FRMD5: variants seen among roughly 807,000 people sequenced by gnomAD.
FRMD5 encodes FERM domain containing 5.
A neutral mutation model predicts 69.0 loss-of-function variants in FRMD5; 20 were observed. The observed-to-expected ratio is 0.29, with a 90% CI of 0.20 to 0.42. FRMD5 has a LOEUF of 0.42. Ranked by LOEUF, FRMD5 falls within the 10% of genes least tolerant of loss-of-function variation. The pLI is 1.00. For missense variants in FRMD5, 595 were observed against 708.6 expected (o/e 0.84, Z 1.82); for synonymous variants, 271 against 260.1 (o/e 1.04, Z -0.40).
intron 1 of FRMD5, among the ~76,000 whole-genome samples, chr15:44,028,078 T>C (rs897444870): frequency 2.0e-5 from 3 of 152,196 alleles, no homozygotes; most frequent in Admixed American, 6.5e-5. Context: ...ATAGGAGGTG[T>C]TGCATATCAC....
At chr15:44,131,412 A>G (rs1436991481) in intron 1 of FRMD5, among the ~76,000 whole-genome samples, 3 of 152,040 alleles carry the variant, frequency 2.0e-5, no homozygotes, top group South Asian at 4.1e-4. Flanking sequence ...AAATCAAAAT[A>G]TAATTACTAT....
At chr15:44,048,601 C>T (rs1430029657) in intron 1 of FRMD5, among the ~76,000 whole-genome samples, 2 of 152,044 alleles carry the variant, frequency 1.3e-5, no homozygotes, top group African/African-American at 4.8e-5. Flanking sequence ...GAGATAGAGT[C>T]TCACTCTGTT....
chr15:44,046,607 T>A (rs1453526063), intron 1 of FRMD5, among the ~76,000 whole-genome samples: 1 of 152,264 alleles, frequency 6.6e-6, no homozygotes, highest in African/African-American at 2.4e-5. Context: ...TCCTGGTGTT[T>A]GCTAGCTGAC....
At chr15:44,010,066 GC>G (rs1349154316) in intron 1 of FRMD5, among the ~76,000 whole-genome samples, 1 of 152,146 alleles carries the variant, frequency 6.6e-6, no homozygotes, top group African/African-American at 2.4e-5. Flanking sequence ...CATTATGCTG[GC>G]CATAAAGAAT....
intron 1 of FRMD5, among the ~76,000 whole-genome samples, chr15:44,080,969 A>G (rs544515429): frequency 1.3e-5 from 2 of 152,202 alleles, no homozygotes; most frequent in Admixed American, 1.3e-4. Context: ...TATGAGCATC[A>G]TTCAATAAAT....
chr15:44,049,318 T>G (rs1028103158), intron 1 of FRMD5, among the ~76,000 whole-genome samples: 58 of 152,160 alleles, frequency 3.8e-4, no homozygotes, highest in Admixed American at 3.8e-3. Flanking sequence ...TTCCACAAGC[T>G]TCAAAGTAGC....
intron 1 of FRMD5, among the ~76,000 whole-genome samples, chr15:43,968,026 A>G (rs551043663): frequency 3.8e-4 from 56 of 146,230 alleles, no homozygotes; most frequent in African/African-American, 1.4e-3. Flanking sequence ...TTTCCTATTT[A>G]CCACACTGAT....
At chr15:44,053,524 A>G (rs1228778163) in intron 1 of FRMD5, among the ~76,000 whole-genome samples, 1 of 152,128 alleles carries the variant, frequency 6.6e-6, no homozygotes, top group Non-Finnish European at 1.5e-5. Flanking sequence ...GGCAGTGGAG[A>G]TGGAGAAAAG....
intron 1 of FRMD5, among the ~76,000 whole-genome samples, chr15:43,980,053 G>A (rs916447260): frequency 5.3e-5 from 8 of 152,140 alleles, no homozygotes; most frequent in African/African-American, 1.4e-4. Flanking sequence ...AATTCCTCCT[G>A]TTTTTGCTTC....
intron 1 of FRMD5, among the ~76,000 whole-genome samples, chr15:43,926,113 G>C (rs2089580661): frequency 6.6e-6 from 1 of 152,182 alleles, no homozygotes; most frequent in East Asian, 1.9e-4. Context: ...ATGAATAGAA[G>C]GGAAAAGGTT....
Position 44,059,262 on chromosome 15 carries a change from AC to A in FRMD5, c.103-134954del, listed in dbSNP as rs928390642. Among the ~76,000 whole-genome samples the A allele has an allele frequency of 7.2e-5, 11 of 151,890 alleles. No individual in the cohort carries two copies. In the East Asian group the frequency reaches 1.2e-3, roughly 16 times the overall value. The stretch of plus-strand genomic sequence containing the variant: ...ATAAAGATGATATAAATAGATTCCC[AC>A]CCCCTCCTCGATTTCAAAGAGCCTT... On this transcript the variant is annotated intron_variant, in intron 1 of 13. Coordinates refer to ENST00000417257, the MANE Select transcript of FRMD5 (RefSeq NM_032892.5).
At chr15:43,920,282 G>C (rs759808100) in intron 2 of FRMD5, among the ~76,000 whole-genome samples, 50 of 152,134 alleles carry the variant, frequency 3.3e-4, no homozygotes, top group Non-Finnish European at 1.0e-4. Flanking sequence ...CTAGAAAGTA[G>C]TGAGAAGTGG....
At chr15:44,192,766 A>G (rs2078217006) in intron 1 of FRMD5, among the ~76,000 whole-genome samples, 1 of 152,222 alleles carries the variant, frequency 6.6e-6, no homozygotes, top group African/African-American at 2.4e-5. Context: ...AGTGATGCCA[A>G]AGAATGACAA....
intron 1 of FRMD5, among the ~76,000 whole-genome samples, chr15:44,116,791 G>A (rs975798252): frequency 1.3e-5 from 2 of 152,112 alleles, no homozygotes; most frequent in African/African-American, 4.8e-5. Flanking sequence ...ATTAAAGTGT[G>A]ACTGCACGGG....
chr15:44,124,469 G>A (rs1312831394), intron 1 of FRMD5, among the ~76,000 whole-genome samples: 1 of 151,880 alleles, frequency 6.6e-6, no homozygotes, highest in Non-Finnish European at 1.5e-5. Flanking sequence ...GGAGGCCAAG[G>A]CAGGCAGATC....
At chr15:44,127,362 G>C (rs545048031) in intron 1 of FRMD5, among the ~76,000 whole-genome samples, 2 of 152,194 alleles carry the variant, frequency 1.3e-5, no homozygotes, top group African/African-American at 4.8e-5. Flanking sequence ...AAAGTGCTGT[G>C]ATTACAGGCG....
At chr15:43,962,827 T>C (rs1364008957) in intron 1 of FRMD5, among the ~76,000 whole-genome samples, 2 of 152,222 alleles carry the variant, frequency 1.3e-5, no homozygotes, top group Non-Finnish European at 2.9e-5. Flanking sequence ...ATTTAATAGA[T>C]GGTGGTGGGA....
intron 1 of FRMD5, among the ~76,000 whole-genome samples, chr15:44,181,527 A>C (rs2078000762): frequency 6.6e-6 from 1 of 152,146 alleles, no homozygotes; most frequent in Non-Finnish European, 1.5e-5. Context: ...CATAAAATTC[A>C]CCATTTTATA....
chr15:44,014,412 C>G (rs900581568), intron 1 of FRMD5, among the ~76,000 whole-genome samples: 1 of 152,140 alleles, frequency 6.6e-6, no homozygotes, highest in Non-Finnish European at 1.5e-5. Context: ...TACTTAACCT[C>G]TCTATATCCC....
Sources: allele counts gnomAD v4.1 joint callset (sites outside exome capture counted in the v4.1 genomes callset), GRCh38; gene constraint gnomAD v4.1.1; transcripts MANE v1.5; gene names NCBI Gene and HGNC (gene_info 2026-07-23, HGNC 2026-07-21).